AGBL4: variants seen among roughly 807,000 people sequenced by gnomAD.
The protein encoded by AGBL4 is AGBL carboxypeptidase 4.
AGBL4 carries 58 observed loss-of-function variants against 66.4 expected under a neutral mutation model. The ratio of observed to expected loss-of-function variants is 0.87; its 90% CI spans 0.71 to 1.09. AGBL4 has a LOEUF of 1.09. Among genes scored for constraint, AGBL4 ranks in the 50% least tolerant of loss-of-function variants. The probability of loss-of-function intolerance (pLI) is 0.00; values close to 1 mark genes in which losing one functional copy is unlikely to be tolerated. For synonymous variants in AGBL4, 234 were observed against 222.9 expected (o/e 1.05, Z -0.44); for missense variants, 579 against 631.0 (o/e 0.92, Z 0.88).
intron 5 of AGBL4, among the ~76,000 whole-genome samples, chr1:49,025,960 A>G (rs1292265504): frequency 2.0e-5 from 3 of 152,164 alleles, no homozygotes; most frequent in Non-Finnish European, 4.4e-5. Context: ...CATTTTTTAC[A>G]TGTAATATGT....
chr1:48,824,242 C>T (rs1227523477), intron 6 of AGBL4, among the ~76,000 whole-genome samples: 3 of 152,146 alleles, frequency 2.0e-5, no homozygotes, highest in African/African-American at 7.2e-5. Context: ...CAGTCACAAA[C>T]CAGCACACCA....
At chr1:48,523,764 T>C in the AGBL4 span, among the ~76,000 whole-genome samples, 1 of 152,214 alleles carries the variant, frequency 6.6e-6, no homozygotes, top group Non-Finnish European at 1.5e-5. Context: ...GGATACGTTC[T>C]GAGAAATGCA....
intron 6 of AGBL4, among the ~76,000 whole-genome samples, chr1:48,764,000 C>T (rs961042585): frequency 2.6e-5 from 4 of 152,092 alleles, no homozygotes; most frequent in African/African-American, 9.7e-5. Context: ...TTCTATGCCT[C>T]GACTTAACCT....
intron 3 of AGBL4, among the ~76,000 whole-genome samples, chr1:49,645,834 G>A (rs1645876491): frequency 6.7e-6 from 1 of 148,986 alleles, no homozygotes; most frequent in African/African-American, 2.5e-5. Flanking sequence ...ATTAAATAAT[G>A]GCTAAGTATG....
At chr1:49,019,629 A>G (rs2149019326) in intron 5 of AGBL4, among the ~76,000 whole-genome samples, 1 of 151,844 alleles carries the variant, frequency 6.6e-6, no homozygotes, top group Middle Eastern at 3.4e-3. Flanking sequence ...GAAAGAAACA[A>G]AGTCTTCAGG....
intron 6 of AGBL4, among the ~76,000 whole-genome samples, chr1:48,842,167 T>G (rs901714473): frequency 6.6e-6 from 1 of 152,160 alleles, no homozygotes; most frequent in Non-Finnish European, 1.5e-5. Flanking sequence ...ATTTCCTTGC[T>G]CAATCCCTCC....
intron 3 of AGBL4, among the ~76,000 whole-genome samples, chr1:49,649,948 G>T (rs1163635265): frequency 6.6e-6 from 1 of 152,104 alleles, no homozygotes; most frequent in East Asian, 1.9e-4. Flanking sequence ...TAATAAAAAT[G>T]AAAGGACAAC....
At chr1:49,098,264 T>C (rs1398744320) in intron 4 of AGBL4, among the ~76,000 whole-genome samples, 4 of 152,150 alleles carry the variant, frequency 2.6e-5, no homozygotes, top group Non-Finnish European at 4.4e-5. Context: ...AAAATTGGAG[T>C]ACATGTGTTG....
rs1644363217 is a variant in AGBL4, at chr1:49,284,692, TG to T, written c.283-38829del. Among the ~76,000 whole-genome samples, 3 of 151,466 alleles carry T rather than the reference TG, an allele frequency of 2.0e-5. No individual in the cohort carries two copies. The South Asian group carries it at 6.3e-4, about 32-fold the overall frequency. On this transcript the variant is annotated intron_variant, in intron 3 of 13. Transcript: ENST00000371839. The stretch of plus-strand genomic sequence containing the variant: ...GATGGAGGAAGATCTACTAAGCAAA[TG>T]GAAAACAAAAAAAGGCAGGGGTTGC...
chr1:49,511,767 C>T lies in AGBL4; in HGVS notation c.282+185546G>A, dbSNP rs545747676. On this transcript the variant is annotated intron_variant, in intron 3 of 13. Transcript: ENST00000371839. ...TTGGATTCCAATCACAAACCTGCTA[C>T]TGATTCATTCTGTTGGACAGAATGA... 2.4e-3 allele frequency among the ~76,000 whole-genome samples: 372 copies of T among 152,020 alleles called. 3 individuals are homozygous for T. Among genetic ancestry groups the T allele is most frequent in the Non-Finnish European group, 4.5e-3 (307 of 67,946 alleles).
At chr1:49,887,274 G>A (rs1052300075) in intron 1 of AGBL4, among the ~76,000 whole-genome samples, 3 of 150,564 alleles carry the variant, frequency 2.0e-5, no homozygotes, top group Non-Finnish European at 4.4e-5. Context: ...TTGTAGAATG[G>A]AGATCTAAAC....
At chr1:48,636,603 C>T (rs1187908314) in intron 8 of AGBL4, among the ~76,000 whole-genome samples, 2 of 152,188 alleles carry the variant, frequency 1.3e-5, no homozygotes, top group South Asian at 2.1e-4. Context: ...AATTGTCTTT[C>T]AGAAAGGAAA....
intron 11 of AGBL4, among the ~76,000 whole-genome samples, chr1:48,570,331 C>T (rs1293651344): frequency 6.6e-6 from 1 of 152,200 alleles, no homozygotes; most frequent in Non-Finnish European, 1.5e-5. Flanking sequence ...AGGGGTCTGT[C>T]CCGCCACAGC....
intron 2 of AGBL4, among the ~76,000 whole-genome samples, chr1:49,715,148 A>G (rs1648003212): frequency 6.6e-6 from 1 of 151,904 alleles, no homozygotes; most frequent in Non-Finnish European, 1.5e-5. Flanking sequence ...CTGGTGTGTG[A>G]TGTTCCCCTC....
intron 3 of AGBL4, among the ~76,000 whole-genome samples, chr1:49,363,098 G>A (rs993409471): frequency 6.6e-6 from 1 of 152,132 alleles, no homozygotes; most frequent in Non-Finnish European, 1.5e-5. Flanking sequence ...TGACCCATGA[G>A]AGTGGGAAAA....
At chr1:49,188,947 C>G (rs1442579089) in intron 4 of AGBL4, among the ~76,000 whole-genome samples, 1 of 152,162 alleles carries the variant, frequency 6.6e-6, no homozygotes, top group Non-Finnish European at 1.5e-5. Flanking sequence ...ATGGCCAACT[C>G]TGATCAACTG....
chr1:48,900,784 G>C (rs1227826799), intron 5 of AGBL4, among the ~76,000 whole-genome samples: 1 of 152,148 alleles, frequency 6.6e-6, no homozygotes, highest in Non-Finnish European at 1.5e-5. Flanking sequence ...TAAAATTCTG[G>C]AAGAAAACAT....
At chr1:48,728,159 A>G in intron 6 of AGBL4, 1 of 907,536 alleles carries the variant, frequency 1.1e-6, no homozygotes, top group South Asian at 1.9e-5. Flanking sequence ...CAGCTTATGT[A>G]TCTGGCATAG....
At chr1:48,739,773 C>T (rs963334657) in intron 6 of AGBL4, among the ~76,000 whole-genome samples, 53 of 152,212 alleles carry the variant, frequency 3.5e-4, no homozygotes, top group African/African-American at 1.1e-3. Flanking sequence ...CCCATGTTTC[C>T]GCTCCTGCCA....
Sources: allele counts gnomAD v4.1 joint callset (sites outside exome capture counted in the v4.1 genomes callset), GRCh38; gene constraint gnomAD v4.1.1; transcripts MANE v1.5; gene names NCBI Gene and HGNC (gene_info 2026-07-23, HGNC 2026-07-21).